Variants in TRIB3 observed in about 807,000 individuals in gnomAD.
The protein encoded by TRIB3 is tribbles homolog 3.
TRIB3 carries 20 observed loss-of-function variants against 16.6 expected under a neutral mutation model. The ratio of observed to expected loss-of-function variants is 1.20; its 90% confidence interval spans 0.85 to 1.75. TRIB3 has a LOEUF of 1.75. Ranked by LOEUF, TRIB3 falls within the 40% of genes most tolerant of loss-of-function variation. TRIB3 has a pLI of 0.00. For missense variants in TRIB3, 484 were observed against 488.9 expected (o/e 0.99, Z 0.10); for synonymous variants, 208 against 217.0 (o/e 0.96, Z 0.36).
Position 396,911 on chromosome 20 carries a change from G to T in TRIB3, c.*221G>T. The T allele has an allele frequency of 1.7e-6, 1 of 601,494 alleles. No homozygotes were observed. Among genetic ancestry groups the T allele is most frequent in the Non-Finnish European group, 2.8e-6 (1 of 356,404 alleles). 37.3% of individuals were successfully genotyped at this position (601,494 alleles called of 1,614,324 possible). A position where few individuals can be genotyped will look rare whatever the true frequency, so the allele number is the denominator to read the frequency against. On this transcript the variant is annotated 3_prime_UTR_variant, in exon 4 of 4. Transcript: ENST00000217233. Reference sequence around the variant, plus strand: ...GTGCCAAGCCCTGTTCTCGGTGCTGGGAGTACAGCAGTGAGCAAAGGAGAC... The same window carrying T: ...GTGCCAAGCCCTGTTCTCGGTGCTGTGAGTACAGCAGTGAGCAAAGGAGAC...
At chr20:394,614 T>C (rs1014710964) in intron 3 of TRIB3, among the ~76,000 whole-genome samples, 19 of 151,550 alleles carry the variant, frequency 1.3e-4, no homozygotes, top group African/African-American at 4.6e-4. Flanking sequence ...GAAAACCCCA[T>C]CTGTACAAAA....
Position 396,995 on chromosome 20 carries a change from A to T in TRIB3, c.*305A>T. 2.8e-6 allele frequency: 1 copy of T among 357,754 alleles called. No individual in the cohort carries two copies. The allele number at this position is 357,754 out of a possible 1,614,324, so 22.2% of individuals were successfully genotyped here. ...ATCCTTGAGCTGACAACACTTTTCC[A>T]TGACCATAGGTCACTGTCTACACTG... On this transcript the variant is annotated 3_prime_UTR_variant, in exon 4 of 4. Coordinates refer to ENST00000217233, the MANE Select transcript of TRIB3 (RefSeq NM_021158.5).
rs777130950 is a variant in TRIB3 at position 391,475 on chromosome 20, C to T, written c.480C>T (p.Ala160=). The T allele has an allele frequency of 1.6e-5, 26 of 1,613,724 alleles. No homozygotes were observed. The highest frequency in any genetic ancestry group is 1.9e-5 in the Non-Finnish European group (22 of 1,180,008). The change falls in exon 3 of 4, where the codon GCC becomes GCT. Residue 160 remains alanine, a synonymous_variant. Transcript: ENST00000217233. The part of the protein sequence containing the change: ...SRHRIPEPEA[A]VLFRQMATAL... ...ACCGTATCCCTGAGCCTGAGGCTGC[C>T]GTGCTCTTCCGCCAGATGGCCACCG... is the stretch of plus-strand genomic sequence containing the variant.
intron 1 of TRIB3, among the ~76,000 whole-genome samples, chr20:383,896 C>G (rs1158923017): frequency 6.6e-6 from 1 of 152,152 alleles, no homozygotes; most frequent in African/African-American, 2.4e-5. Flanking sequence ...GTCTGAAATA[C>G]TTAACAGTTT....
At position 391,573 on chromosome 20, in the gene TRIB3, G is replaced by A. The variant is rs761925919; in HGVS notation, c.578G>A (p.Arg193His). ...LKLCRFVFAD[R>H]ERKKLVLENL... The stretch of plus-strand genomic sequence containing the variant: ...CTGTGTCGCTTTGTCTTCGCTGACC[G>A]TGAGAGGTGAGTGTGGTCTCAGAGA... The change falls in exon 3 of 4, where the codon CGT (arginine) becomes CAT (histidine). Residue 193 changes from arginine to histidine, a missense_variant. Physicochemically the swap from Arg to His is conservative, Grantham distance 29. Transcript: ENST00000217233. 1.9e-5 allele frequency: 30 copies of A among 1,606,600 alleles called. No homozygotes were observed. Among genetic ancestry groups the A allele is most frequent in the Middle Eastern group, 1.7e-4 (1 of 6,056 alleles).
At position 397,041 on chromosome 20, in the gene TRIB3, C is replaced by T. The variant is rs376258139; in HGVS notation, c.*351C>T. 40 of 223,658 alleles carry T rather than the reference C, an allele frequency of 1.8e-4. No homozygotes were observed. In the East Asian group the frequency reaches 2.0e-3, roughly 11 times the overall value. The allele number at this position is 223,658 out of a possible 1,614,324, so 13.9% of individuals were successfully genotyped here. A position where few individuals can be genotyped will look rare whatever the true frequency, so the allele number is the denominator to read the frequency against. On this transcript the variant is annotated 3_prime_UTR_variant, in exon 4 of 4. Coordinates refer to ENST00000217233, the MANE Select transcript of TRIB3 (RefSeq NM_021158.5). ...CACTGGGTACACTTTGTACCAGTGT[C>T]GGCCTCCACTGATGCTGGTGCTCAG...
intron 1 of TRIB3, among the ~76,000 whole-genome samples, chr20:382,957 G>A (rs867399419): frequency 1.3e-5 from 2 of 152,204 alleles, no homozygotes; most frequent in East Asian, 3.8e-4. Context: ...ATGTTGCCTT[G>A]TTAATCCTGC....
At position 396,601 on chromosome 20, in the gene TRIB3, T is replaced by C; in HGVS notation, c.988T>C (p.Trp330Arg). 1 of 1,613,102 alleles carries C rather than the reference T, an allele frequency of 6.2e-7. No individual in the cohort carries two copies. Among genetic ancestry groups the C allele is most frequent in the Non-Finnish European group, 8.5e-7 (1 of 1,180,012 alleles). Residue 330 changes from tryptophan to arginine, a missense_variant, in exon 4 of 4, where the codon TGG (tryptophan) becomes CGG (arginine). By Grantham distance (101) the Trp-to-Arg change is moderately radical (BLOSUM62 -3). Transcript: ENST00000217233. ...CTTAGCCCCAACCCGATCCCATCTCTGGGAGGCTGCCCAGGTGGTCCCTGA... is the reference window on the plus strand; with the variant it reads ...CTTAGCCCCAACCCGATCCCATCTCCGGGAGGCTGCCCAGGTGGTCCCTGA... ...MPLAPTRSHL[W>R]EAAQVVPDGL...
intron 1 of TRIB3, among the ~76,000 whole-genome samples, chr20:382,190 C>A (rs2122654337): frequency 6.6e-6 from 1 of 152,242 alleles, no homozygotes; most frequent in Middle Eastern, 3.4e-3. Flanking sequence ...CCGAGTGTGG[C>A]AGGGAACAGC....
Position 388,127 on chromosome 20 carries a change from C to T in TRIB3, c.117C>T (p.Pro39=). 1.2e-6 allele frequency: 2 copies of T among 1,614,080 alleles called. No individual in the cohort carries two copies. Among genetic ancestry groups the T allele is most frequent in the Non-Finnish European group, 1.7e-6 (2 of 1,180,006 alleles). Reference sequence around the variant, plus strand: ...TCCAGAAACGAGCTCGAAGTGGGCCCCAGCCCAGACTGCCCCCCTGCCTGT... The same window carrying T: ...TCCAGAAACGAGCTCGAAGTGGGCCTCAGCCCAGACTGCCCCCCTGCCTGT... ...RPVQKRARSG[P]QPRLPPCLLP... The change falls in exon 2 of 4, where the codon CCC becomes CCT. Residue 39 remains proline (P), a synonymous_variant. Coordinates refer to ENST00000217233, the MANE Select transcript of TRIB3 (RefSeq NM_021158.5).
chr20:384,287 G>C (rs1164852068), intron 1 of TRIB3, among the ~76,000 whole-genome samples: 2 of 152,152 alleles, frequency 1.3e-5, no homozygotes, highest in Admixed American at 6.5e-5. Flanking sequence ...AAATCCTATT[G>C]TGTGTTAATT....
At position 391,542 on chromosome 20, in the gene TRIB3, C is replaced by A; in HGVS notation, c.547C>A (p.Leu183Ile). 6.2e-7 allele frequency: 1 copy of A among 1,612,714 alleles called. No homozygotes were observed. The change falls in exon 3 of 4, where the codon CTC (leucine) becomes ATC (isoleucine). Residue 183 changes from leucine (L) to isoleucine (I), a missense_variant. Coordinates refer to ENST00000217233, the MANE Select transcript of TRIB3 (RefSeq NM_021158.5). Reference sequence around the variant, plus strand: ...CCAGCACGGTCTGGTCCTGCGTGATCTCAAGCTGTGTCGCTTTGTCTTCGC... The same window carrying A: ...CCAGCACGGTCTGGTCCTGCGTGATATCAAGCTGTGTCGCTTTGTCTTCGC... ...CHQHGLVLRD[L>I]KLCRFVFADR...
intron 1 of TRIB3, among the ~76,000 whole-genome samples, chr20:384,357 T>G (rs1006250572): frequency 3.4e-5 from 5 of 148,280 alleles, no homozygotes; most frequent in African/African-American, 1.3e-4. Flanking sequence ...GAAATAGACG[T>G]TTTTTTCTTC....
chr20:383,089 C>T (rs7263207), intron 1 of TRIB3, among the ~76,000 whole-genome samples: 14,717 of 152,162 alleles, frequency 0.097, 1,048 homozygotes, highest in Admixed American at 0.23. Context: ...AGAGAGAACC[C>T]GTCTGCCCTG....
At chr20:391,147 G>T in intron 2 of TRIB3, 140 bp from the exon 3 acceptor site, 1 of 937,568 alleles carries the variant, frequency 1.1e-6, no homozygotes, top group Non-Finnish European at 1.6e-6. Context: ...CATGGTCAGG[G>T]CTGAGTGACT....
chr20:394,547 A>G (rs375434875), intron 3 of TRIB3, among the ~76,000 whole-genome samples: 45 of 152,228 alleles, frequency 3.0e-4, no homozygotes, highest in African/African-American at 1.1e-3. Context: ...TGCTTCGGGA[A>G]GCCAAAGTAG....
At chr20:392,863 G>T (rs372601112) in intron 3 of TRIB3, among the ~76,000 whole-genome samples, 1 of 151,890 alleles carries the variant, frequency 6.6e-6, no homozygotes, top group African/African-American at 2.4e-5. Flanking sequence ...CAGCCTAGAC[G>T]CTAAGAAAAA....
chr20:381,725 A>G (rs2014656635), intron 1 of TRIB3, among the ~76,000 whole-genome samples: 1 of 141,332 alleles, frequency 7.1e-6, no homozygotes, highest in African/African-American at 2.6e-5. Context: ...CACCGCCGGG[A>G]CAGGGCTGGG....
At position 396,860 on chromosome 20, in the gene TRIB3, G is replaced by T; in HGVS notation, c.*170G>T. The T allele has an allele frequency of 9.8e-7, 1 of 1,024,040 alleles. No individual in the cohort carries two copies. The highest frequency in any genetic ancestry group is 2.6e-5 in the East Asian group (1 of 38,654). 63.4% of individuals were successfully genotyped at this position (1,024,040 alleles called of 1,614,324 possible). A position where few individuals can be genotyped will look rare whatever the true frequency, so the allele number is the denominator to read the frequency against. On this transcript the variant is annotated 3_prime_UTR_variant, in exon 4 of 4. Transcript: ENST00000217233. The stretch of plus-strand genomic sequence containing the variant: ...CACATCTGCTTTGTTCCACACACAT[G>T]CAGTTCCTGCTTGGGTGCTTATCAG...
Sources: allele counts gnomAD v4.1 joint callset (sites outside exome capture counted in the v4.1 genomes callset), GRCh38; gene constraint gnomAD v4.1.1; transcripts MANE v1.5; gene names NCBI Gene and HGNC (gene_info 2026-07-23, HGNC 2026-07-21).